The following RBFOX3 variants were observed in gnomAD, a reference collection of about 807,000 sequenced individuals.
RBFOX3 encodes the protein RNA binding protein fox-1 homolog 3.
Under a neutral mutation model 48.7 loss-of-function variants are expected in RBFOX3, and 17 were observed. The observed-to-expected ratio is 0.35, with a 90% CI of 0.24 to 0.52. The LOEUF (loss-of-function observed/expected upper bound fraction) is 0.52. RBFOX3 is among the 20% of genes least tolerant of loss of function. The pLI, the probability that RBFOX3 is intolerant of heterozygous loss-of-function variation, is 0.94. For missense variants in RBFOX3, 382 were observed against 497.5 expected, an observed-to-expected ratio of 0.77 and a Z score of 2.21; for synonymous variants, 212 against 209.5, an observed-to-expected ratio of 1.01 and a Z score of -0.10.
In RBFOX3 at chr17:79,390,376, C is replaced by T. The variant is rs1382443112; in HGVS notation, c.-174-82552G>A. 2.0e-5 allele frequency among the ~76,000 whole-genome samples: 3 copies of T among 152,316 alleles called. No individual in the cohort carries two copies. The highest frequency in any genetic ancestry group is 1.9e-4 in the East Asian group (1 of 5,192). On this transcript the variant is annotated intron_variant, in intron 2 of 14. Transcript: ENST00000693108. The surrounding 1 kb of genome is among the most constrained non-coding windows in gnomAD (Gnocchi z 4.2). ...CATCACGACCATCACGGCCAGGTGA[C>T]GGGTTCCAGCTCATTCGGGGCTCAG... is the stretch of plus-strand genomic sequence containing the variant.
intron 2 of RBFOX3, among the ~76,000 whole-genome samples, chr17:79,411,005 C>A (rs962510618): frequency 2.0e-5 from 3 of 152,184 alleles, no homozygotes; most frequent in African/African-American, 4.8e-5. Context: ...AGTGCAGAGA[C>A]CCCGCTTTCT....
At chr17:79,208,941 A>G (rs1443911564) in intron 4 of RBFOX3, among the ~76,000 whole-genome samples, 10 of 151,592 alleles carry the variant, frequency 6.6e-5, no homozygotes, top group Non-Finnish European at 1.3e-4. Context: ...TCAGCCTCCC[A>G]AGTAGCTGGG....
rs2147317862 is a variant in RBFOX3, at chr17:79,362,556, G to A, written c.-174-54732C>T. Among the ~76,000 whole-genome samples, 1 of 152,342 alleles carries A rather than the reference G, an allele frequency of 6.6e-6. No individual in the cohort carries two copies. Among genetic ancestry groups the A allele is most frequent in the Admixed American group, 6.5e-5 (1 of 15,308 alleles). On this transcript the variant is annotated intron_variant, in intron 2 of 14. Transcript: ENST00000693108. The surrounding 1 kb of genome is among the most constrained non-coding windows in gnomAD (Gnocchi z 4.2). The stretch of plus-strand genomic sequence containing the variant: ...AGGGGCCTGGCTGTGGCTTGGGATG[G>A]AGATGGGAGCCTTTATGTCCCGCGT...
the RBFOX3 span, among the ~76,000 whole-genome samples, chr17:79,638,219 A>G: frequency 6.6e-6 from 1 of 151,948 alleles, no homozygotes; most frequent in Non-Finnish European, 1.5e-5. Flanking sequence ...AATATAGTAG[A>G]AGAAGGGAAA....
intron 1 of RBFOX3, among the ~76,000 whole-genome samples, chr17:79,503,444 A>G (rs1359183591): frequency 6.6e-6 from 1 of 152,356 alleles, no homozygotes; most frequent in East Asian, 1.9e-4. Flanking sequence ...TGATATGTGT[A>G]TTTAACGTAA....
chr17:79,470,936 C>A (rs942197245), intron 2 of RBFOX3, among the ~76,000 whole-genome samples: 9 of 152,100 alleles, frequency 5.9e-5, no homozygotes, highest in African/African-American at 2.2e-4. Flanking sequence ...CTCTGTCATC[C>A]AAGACAGGCC....
intron 1 of RBFOX3, among the ~76,000 whole-genome samples, chr17:79,550,390 G>C (rs1478853316): frequency 6.6e-6 from 1 of 152,152 alleles, no homozygotes. Context: ...ACAGTAAAAG[G>C]GGGCCCAGAC....
chr17:79,137,452 G>T (rs1360204924), intron 4 of RBFOX3, among the ~76,000 whole-genome samples: 1 of 152,162 alleles, frequency 6.6e-6, no homozygotes, highest in African/African-American at 2.4e-5. Context: ...CACTGACCCA[G>T]ACACGCCTTA....
intron 4 of RBFOX3, among the ~76,000 whole-genome samples, chr17:79,154,336 G>A (rs2045280658): frequency 6.6e-6 from 1 of 152,206 alleles, no homozygotes; most frequent in African/African-American, 2.4e-5. Flanking sequence ...CCTGAAGTGG[G>A]TTCTGCTGTT....
At chr17:79,360,478 G>C (rs966877716) in intron 2 of RBFOX3, among the ~76,000 whole-genome samples, 5 of 152,196 alleles carry the variant, frequency 3.3e-5, no homozygotes, top group African/African-American at 1.2e-4. Context: ...AAAGGTGCCC[G>C]CGCTCAGCAG....
chr17:79,154,442 C>T (rs943690608), intron 4 of RBFOX3, among the ~76,000 whole-genome samples: 2 of 152,326 alleles, frequency 1.3e-5, no homozygotes, highest in Non-Finnish European at 2.9e-5. Flanking sequence ...TCACGATGCC[C>T]GGCACATAGC....
At chr17:79,509,653 A>G (rs1480850566) in intron 1 of RBFOX3, among the ~76,000 whole-genome samples, 5 of 152,060 alleles carry the variant, frequency 3.3e-5, no homozygotes, top group Admixed American at 3.3e-4. Context: ...GAGAGCTATG[A>G]GGCCTCAGGG....
intron 3 of RBFOX3, among the ~76,000 whole-genome samples, chr17:79,301,883 A>G (rs1333653697): frequency 6.6e-6 from 1 of 152,178 alleles, no homozygotes; most frequent in East Asian, 1.9e-4. Flanking sequence ...GATCCCACTC[A>G]CGTGAGGTCC....
the RBFOX3 span, among the ~76,000 whole-genome samples, chr17:79,661,837 A>G: frequency 6.6e-6 from 1 of 152,190 alleles, no homozygotes; most frequent in Non-Finnish European, 1.5e-5. Context: ...TGACTAGTAA[A>G]GCACTTGGTG....
chr17:79,450,540 G>GT (rs2073280655), intron 2 of RBFOX3, among the ~76,000 whole-genome samples: 1 of 54,520 alleles, frequency 1.8e-5, no homozygotes, highest in Non-Finnish European at 5.6e-5. Flanking sequence ...CTGGACTTCT[G>GT]ATTTTTTTTT....
At chr17:79,513,598 G>C (rs1479727642) in intron 1 of RBFOX3, among the ~76,000 whole-genome samples, 2 of 152,214 alleles carry the variant, frequency 1.3e-5, no homozygotes, top group Admixed American at 1.3e-4. Context: ...GGGCCTCCTT[G>C]GAACCAGACT....
intron 2 of RBFOX3, among the ~76,000 whole-genome samples, chr17:79,476,155 C>A (rs1381884099): frequency 1.3e-5 from 2 of 152,226 alleles, no homozygotes; most frequent in Non-Finnish European, 2.9e-5. Context: ...CGGCAGGGCC[C>A]TCCCTTCCCG....
chr17:79,174,786 C>T (rs1243349091), intron 4 of RBFOX3, among the ~76,000 whole-genome samples: 1 of 152,224 alleles, frequency 6.6e-6, no homozygotes, highest in Non-Finnish European at 1.5e-5. Context: ...TAGCACAGGG[C>T]CCGGCACAGT....
chr17:79,364,386 G>A lies in RBFOX3; in HGVS notation c.-174-56562C>T, dbSNP rs1293910488. Among the ~76,000 whole-genome samples, 1 of 152,236 alleles carries A rather than the reference G, an allele frequency of 6.6e-6. No individual in the cohort carries two copies. The highest frequency in any genetic ancestry group is 1.5e-5 in the Non-Finnish European group (1 of 68,044). ...TGGGTGTTCCTTGAATGACGGGGCTGATGGAGATAAAGCTGCCATTCAGAT... is the reference window on the plus strand; with the variant it reads ...TGGGTGTTCCTTGAATGACGGGGCTAATGGAGATAAAGCTGCCATTCAGAT... On this transcript the variant is annotated intron_variant, in intron 2 of 14. Transcript: ENST00000693108. The surrounding 1 kb of genome is among the most constrained non-coding windows in gnomAD (Gnocchi z 5.1).
Sources: allele counts gnomAD v4.1 joint callset (sites outside exome capture counted in the v4.1 genomes callset), GRCh38; gene constraint gnomAD v4.1.1; non-coding constraint Gnocchi (gnomAD v3.1); transcripts MANE v1.5; gene names NCBI Gene and HGNC (gene_info 2026-07-23, HGNC 2026-07-21).